MAX: variants seen among roughly 807,000 people sequenced by gnomAD.
MAX encodes protein max.
In MAX, 3 loss-of-function variants were observed where a neutral mutation model predicts 22.3. The observed-to-expected ratio is 0.13, with a 90% CI of 0.06 to 0.35. The LOEUF (loss-of-function observed/expected upper bound fraction) is 0.35, where lower values mean the gene tolerates loss of function less well. MAX is among the 10% of genes least tolerant of loss of function. MAX has a pLI of 1.00. For synonymous variants in MAX, 72 were observed against 77.7 expected, an observed-to-expected ratio of 0.93 and a Z score of 0.39; for missense variants, 119 against 209.4, an observed-to-expected ratio of 0.57 and a Z score of 2.66.
Position 65,027,535 on chromosome 14 carries a change from A to C in MAX, c.172-21251T>G. 6.2e-7 allele frequency: 1 copy of C among 1,614,214 alleles called. No homozygotes were observed. Among genetic ancestry groups the C allele is most frequent in the South Asian group, 1.1e-5 (1 of 91,088 alleles). On this transcript the variant is annotated intron_variant, in intron 3 of 3. Transcript: ENST00000341653. The surrounding 1 kb of genome is among the most constrained non-coding windows in gnomAD (Gnocchi z 5.7). ...CGGTCAGTATCCACACCTTGCACCC[A>C]CATATGCAGCAGTCAATGCATTGTG...
chr14:65,031,678 T>C lies in MAX; in HGVS notation c.172-25394A>G, dbSNP rs1435192777. Among the ~76,000 whole-genome samples the C allele has an allele frequency of 6.6e-6, 1 of 152,042 alleles. No individual in the cohort carries two copies. Among genetic ancestry groups the C allele is most frequent in the Non-Finnish European group, 1.5e-5 (1 of 67,978 alleles). On this transcript the variant is annotated intron_variant, in intron 3 of 3. Transcript: ENST00000341653. The surrounding 1 kb of genome is among the most constrained non-coding windows in gnomAD (Gnocchi z 4.6). ...GCTTATGCCTGTAATCCCAGCACTT[T>C]GGGAGGCCAAGGCAGGTGGATTGCT...
chr14:65,101,765 G>A (rs911942235), intron 1 of MAX, 193 bp from the exon 2 acceptor site: 61 of 607,590 alleles, frequency 1.0e-4, no homozygotes, highest in East Asian at 2.8e-5. Context: ...GGGTAGAGGG[G>A]TCCCGAGCGC....
At chr14:65,067,624 TG>T (rs1378209640) in intron 3 of MAX, among the ~76,000 whole-genome samples, 2 of 148,238 alleles carry the variant, frequency 1.3e-5, no homozygotes, top group Non-Finnish European at 3.0e-5. Flanking sequence ...GATGGGTTTA[TG>T]TTTTTTTTTT....
rs1427894943 is a variant in MAX at position 65,093,922 on chromosome 14, G to A, written c.64-107C>T. The stretch of plus-strand genomic sequence containing the variant: ...ACACGCTGTCAGCACTGTCCCTGGC[G>A]AGTGGACTGGGAAGGATTTCTCGAG... On this transcript the variant is annotated intron_variant, in intron 2 of 4. Transcript: ENST00000358664. The surrounding 1 kb of genome is among the most constrained non-coding windows in gnomAD (Gnocchi z 4.4). 15 of 761,074 alleles carry A rather than the reference G, an allele frequency of 2.0e-5. 1 individual carries two copies. Among genetic ancestry groups the A allele is most frequent in the South Asian group, 1.8e-4 (13 of 71,708 alleles). The allele number at this position is 761,074 out of a possible 1,614,324, so 47.1% of individuals were successfully genotyped here.
rs1163514525 is a variant in MAX, at chr14:65,029,922, G to C, written c.172-23638C>G. 1.3e-5 allele frequency among the ~76,000 whole-genome samples: 2 copies of C among 152,236 alleles called. No homozygotes were observed. The highest frequency in any genetic ancestry group is 2.9e-5 in the Non-Finnish European group (2 of 68,042). ...GAGAGAGAGCAGGAAGACTGATCCA[G>C]GTTGAAGAAGGCTTGGATTTGGGTG... is the stretch of plus-strand genomic sequence containing the variant. On this transcript the variant is annotated intron_variant, in intron 3 of 3. Transcript: ENST00000341653. This position sits in a 1 kb window ranked among gnomAD's most constrained non-coding sequence, Gnocchi z 4.7.
At chr14:65,087,984 T>A (rs148748792) in intron 3 of MAX, among the ~76,000 whole-genome samples, 1 of 152,150 alleles carries the variant, frequency 6.6e-6, no homozygotes, top group African/African-American at 2.4e-5. Context: ...TCTGATGGTT[T>A]TAAAAACAGG....
rs1323570975 is a variant in MAX at position 65,009,596 on chromosome 14, T to C, written c.172-3312A>G. Among the ~76,000 whole-genome samples the C allele has an allele frequency of 1.3e-5, 2 of 152,186 alleles. No homozygotes were observed. The highest frequency in any genetic ancestry group is 2.9e-5 in the Non-Finnish European group (2 of 68,028). ...CTTATTCCAGGCTCACCTCTCCTAC[T>C]ATACCCTCATCCCAGCCCTCCTCCA... On this transcript the variant is annotated intron_variant, in intron 3 of 3. Coordinates refer to the MAX transcript ENST00000341653. This position sits in a 1 kb window ranked among gnomAD's most constrained non-coding sequence, Gnocchi z 4.2.
In MAX at chr14:65,078,533, G is replaced by GTTTT. The variant is rs1157935028; in HGVS notation, c.172-501_172-498dup. Among the ~76,000 whole-genome samples the GTTTT allele has an allele frequency of 7.3e-6, 1 of 136,216 alleles. No individual in the cohort carries two copies. The highest frequency in any genetic ancestry group is 2.7e-5 in the African/African-American group (1 of 37,596). The allele number at this position is 136,216 out of a possible 152,430, so 89.4% of individuals were successfully genotyped here. On this transcript the variant is annotated intron_variant, in intron 3 of 4. Transcript: ENST00000358664. This position sits in a 1 kb window ranked among gnomAD's most constrained non-coding sequence, Gnocchi z 6.4. ...GCCTGTTGTTGTTGTTGTTGTTGTT[G>GTTTT]TTTTTTTTTTTTTGGAGACGTAGTC...
chr14:65,013,877 A>G (rs4899159), intron 3 of MAX, among the ~76,000 whole-genome samples: 85,800 of 152,134 alleles, frequency 0.56, 24,811 homozygotes, highest in African/African-American at 0.69. Context: ...TTGTAACTAC[A>G]TGAGGTAGAT....
chr14:65,037,726 CTTAT>C lies in MAX; in HGVS notation c.172-31446_172-31443del, dbSNP rs202087492. Among the ~76,000 whole-genome samples the C allele has an allele frequency of 6.5e-4, 76 of 117,538 alleles. No individual in the cohort carries two copies. In the South Asian group the frequency reaches 9.4e-3, roughly 15 times the overall value. The allele number at this position is 117,538 out of a possible 152,430, so 77.1% of individuals were successfully genotyped here. ...AGGTGTGAGCCACCATGCCCAGCCT[CTTAT>C]TTATTTATTTATTATTTATTTATTT... On this transcript the variant is annotated intron_variant, in intron 3 of 3. Transcript: ENST00000341653.
At chr14:65,061,109 T>A in intron 3 of MAX, 1 of 1,575,240 alleles carries the variant, frequency 6.3e-7, no homozygotes, top group Non-Finnish European at 8.6e-7. Context: ...GTGCCTTTCA[T>A]GGAGCAAAGG....
At position 65,070,093 on chromosome 14, in the gene MAX, G is replaced by A. The variant is rs572488933; in HGVS notation, c.171+23615C>T. On this transcript the variant is annotated intron_variant, in intron 3 of 3. Transcript: ENST00000341653. This position sits in a 1 kb window ranked among gnomAD's most constrained non-coding sequence, Gnocchi z 4.4. ...CTGCCGGGCTGCCAGGCTGCCAGCC[G>A]GATTCCGGATGAGTGACTGGGGGTG... Among the ~76,000 whole-genome samples, 2 of 152,318 alleles carry A rather than the reference G, an allele frequency of 1.3e-5. No homozygotes were observed. Among genetic ancestry groups the A allele is most frequent in the Non-Finnish European group, 2.9e-5 (2 of 68,034 alleles).
Position 65,054,261 on chromosome 14 carries a change from G to A in MAX, c.171+39447C>T, listed in dbSNP as rs1161704572. 2.0e-5 allele frequency among the ~76,000 whole-genome samples: 3 copies of A among 151,922 alleles called. No individual in the cohort carries two copies. The highest frequency in any genetic ancestry group is 2.9e-5 in the Non-Finnish European group (2 of 68,010). On this transcript the variant is annotated intron_variant, in intron 3 of 3. Transcript: ENST00000341653. The surrounding 1 kb of genome is among the most constrained non-coding windows in gnomAD (Gnocchi z 4.4). ...CCAAGTAACTGGAATTACAGGCATC[G>A]GCCACCACACCTAGCTAATTTTTAA...
chr14:65,073,752 C>T (rs2063012075), downstream of MAX, among the ~76,000 whole-genome samples: 1 of 152,194 alleles, frequency 6.6e-6, no homozygotes, highest in South Asian at 2.1e-4. Context: ...TTGGCCTTTT[C>T]AGCTGAGCAG....
chr14:65,032,585 G>A lies in MAX; in HGVS notation c.172-26301C>T. 1 of 1,611,532 alleles carries A rather than the reference G, an allele frequency of 6.2e-7. No homozygotes were observed. Among genetic ancestry groups the A allele is most frequent in the Non-Finnish European group, 8.5e-7 (1 of 1,179,494 alleles). On this transcript the variant is annotated intron_variant, in intron 3 of 3. Coordinates refer to the MAX transcript ENST00000341653. The surrounding 1 kb of genome is among the most constrained non-coding windows in gnomAD (Gnocchi z 5.0). The stretch of plus-strand genomic sequence containing the variant: ...CATTAGCTCTTCCGTAGAGCTTAAT[G>A]TGTTTCCCGTTTCTGTCTTTCCAGA...
intron 3 of MAX, chr14:65,006,415 A>G: frequency 7.2e-7 from 1 of 1,390,822 alleles, no homozygotes; most frequent in Non-Finnish European, 9.7e-7. Flanking sequence ...CATGAGATAC[A>G]GCTAGAGATT....
intron 3 of MAX, among the ~76,000 whole-genome samples, chr14:65,051,986 A>G (rs140257687): frequency 0.018 from 2,696 of 152,056 alleles, 44 homozygotes; most frequent in African/African-American, 0.04. Context: ...TAGTAGAGAC[A>G]GGGTTTCACC....
chr14:65,055,216 G>A (rs1246211909), intron 3 of MAX, among the ~76,000 whole-genome samples: 6 of 152,150 alleles, frequency 3.9e-5, no homozygotes, highest in Non-Finnish European at 1.5e-5. Flanking sequence ...CTGCTTTCCT[G>A]AAAAAACAAT....
In MAX at chr14:65,093,679, C is replaced by T. The variant is rs1266058395; in HGVS notation, c.171+29G>A. ...CAACAAGTTCCAAGCTAGTAGTGGC[C>T]AGCTACTCAGCTTTCTCAGGAAACT... On this transcript the variant is annotated intron_variant, in intron 3 of 4. Coordinates refer to ENST00000358664, the MANE Select transcript of MAX (RefSeq NM_002382.5). The surrounding 1 kb of genome is among the most constrained non-coding windows in gnomAD (Gnocchi z 4.4). 3.3e-6 allele frequency: 4 copies of T among 1,203,880 alleles called. No individual in the cohort carries two copies. The South Asian group carries it at 3.6e-5, about 11-fold the overall frequency. The allele number at this position is 1,203,880 out of a possible 1,614,324, so 74.6% of individuals were successfully genotyped here.
Sources: gnomAD v4.1 joint callset for allele counts (sites outside exome capture counted in the v4.1 genomes callset) on GRCh38, gnomAD v4.1.1 for gene constraint, Gnocchi (gnomAD v3.1) non-coding constraint, MANE v1.5 for transcripts, NCBI Gene and HGNC (gene_info 2026-07-23, HGNC 2026-07-21) for gene names.